The following KIRREL1 variants were observed in gnomAD, a reference collection of about 807,000 sequenced individuals.
KIRREL1 encodes the protein kin of IRRE-like protein 1.
KIRREL1 carries 25 observed loss-of-function variants against 83.3 expected under a neutral mutation model. The ratio of observed to expected loss-of-function variants is 0.30; its 90% CI spans 0.22 to 0.42. KIRREL1 has a LOEUF of 0.42. KIRREL1 is among the 10% of genes least tolerant of loss of function. The pLI is 1.00. For synonymous variants in KIRREL1, 388 were observed against 410.4 expected (o/e 0.95, Z 0.66); for missense variants, 812 against 1,032.3 (o/e 0.79, Z 2.92).
chr1:158,022,806 G>A (rs61151289), intron 1 of KIRREL1, among the ~76,000 whole-genome samples: 4 of 152,176 alleles, frequency 2.6e-5, no homozygotes, highest in Admixed American at 1.3e-4. Flanking sequence ...ATCTGCATCT[G>A]TGGGCCTTCT....
At chr1:158,039,831 A>C (rs1336102792) in intron 1 of KIRREL1, among the ~76,000 whole-genome samples, 1 of 152,222 alleles carries the variant, frequency 6.6e-6, no homozygotes, top group African/African-American at 2.4e-5. Flanking sequence ...GGGAGGTCCC[A>C]GAAGGGAGAG....
chr1:157,999,858 G>A (rs1659307548), intron 1 of KIRREL1, among the ~76,000 whole-genome samples: 1 of 152,158 alleles, frequency 6.6e-6, no homozygotes, highest in Admixed American at 6.5e-5. Flanking sequence ...CTCAGAGTGG[G>A]GGAGAAATCC....
At position 158,096,600 on chromosome 1, in the gene KIRREL1, G is replaced by A. The variant is rs776776895; in HGVS notation, c.*1480G>A. The A allele has an allele frequency of 1.7e-4, 78 of 456,964 alleles. No individual in the cohort carries two copies. The highest frequency in any genetic ancestry group is 1.4e-3 in the African/African-American group (72 of 50,170). The allele number at this position is 456,964 out of a possible 1,614,324, so 28.3% of individuals were successfully genotyped here. A position where few individuals can be genotyped will look rare whatever the true frequency, so the allele number is the denominator to read the frequency against. ...GAGAACTTGTGCTGACCGGGAGAAGGTGGTGCGGAAGGGCACCGCAGGCAT... is the reference window on the plus strand; with the variant it reads ...GAGAACTTGTGCTGACCGGGAGAAGATGGTGCGGAAGGGCACCGCAGGCAT... On this transcript the variant is annotated 3_prime_UTR_variant, in exon 15 of 15. Transcript: ENST00000359209.
chr1:158,001,013 A>G (rs1182991512), intron 1 of KIRREL1, among the ~76,000 whole-genome samples: 1 of 152,212 alleles, frequency 6.6e-6, no homozygotes, highest in Admixed American at 6.5e-5. Context: ...GGAAGGGATA[A>G]CAGGAACCCG....
chr1:158,037,419 C>T (rs189665298), intron 1 of KIRREL1, among the ~76,000 whole-genome samples: 66 of 143,424 alleles, frequency 4.6e-4, no homozygotes, highest in Non-Finnish European at 7.3e-4. Context: ...CTTGAACCTG[C>T]GAGGCAGAGG....
At chr1:158,086,053 A>G (rs1463665435) in intron 4 of KIRREL1, among the ~76,000 whole-genome samples, 1 of 152,334 alleles carries the variant, frequency 6.6e-6, no homozygotes, top group Non-Finnish European at 1.5e-5. Flanking sequence ...CTGGACTCAC[A>G]AAGAGTGAAC....
At chr1:158,008,594 G>A (rs1304842453) in intron 1 of KIRREL1, among the ~76,000 whole-genome samples, 1 of 152,130 alleles carries the variant, frequency 6.6e-6, no homozygotes, top group South Asian at 2.1e-4. Flanking sequence ...GAACTTTTCT[G>A]TTTGTGGGGA....
intron 4 of KIRREL1, among the ~76,000 whole-genome samples, chr1:158,085,872 C>T (rs1661997842): frequency 6.6e-6 from 1 of 152,144 alleles, no homozygotes; most frequent in Admixed American, 6.5e-5. Flanking sequence ...TACAGTTTAG[C>T]AGAAGAAACC....
At chr1:158,055,727 C>T (rs764680990) in intron 1 of KIRREL1, among the ~76,000 whole-genome samples, 20 of 152,224 alleles carry the variant, frequency 1.3e-4, no homozygotes, top group Admixed American at 3.9e-4. Flanking sequence ...TGAAGGCTGG[C>T]TTAGAAAAGA....
chr1:158,013,487 C>A (rs778067433), intron 1 of KIRREL1, among the ~76,000 whole-genome samples: 34 of 152,210 alleles, frequency 2.2e-4, no homozygotes, highest in South Asian at 2.1e-4. Flanking sequence ...CAGGTGCCTA[C>A]GGCTCCCCGT....
intron 1 of KIRREL1, among the ~76,000 whole-genome samples, chr1:158,066,755 AG>A: frequency 6.6e-6 from 1 of 152,182 alleles, no homozygotes; most frequent in South Asian, 2.1e-4. Flanking sequence ...GCCCTGGCCT[AG>A]TTTCTGCTCT....
At chr1:158,074,124 C>T (rs187005881) in intron 1 of KIRREL1, among the ~76,000 whole-genome samples, 1 of 152,272 alleles carries the variant, frequency 6.6e-6, no homozygotes, top group African/African-American at 2.4e-5. Context: ...ACCTGACCCA[C>T]CCCTCCCCCA....
At position 157,996,724 on chromosome 1, in the gene KIRREL1, C is replaced by T. The variant is rs74341697; in HGVS notation, c.52+2996C>T. ...TGTCCCACTTCTGCCCAGAGCAGGG[C>T]GCTGAGGTTGGGGAAGAGTCAGGGG... is the stretch of plus-strand genomic sequence containing the variant. On this transcript the variant is annotated intron_variant, in intron 1 of 14. Transcript: ENST00000359209. 9.0e-3 allele frequency among the ~76,000 whole-genome samples: 1,371 copies of T among 152,318 alleles called. 26 individuals are homozygous for T. Among genetic ancestry groups the T allele is most frequent in the African/African-American group, 0.031 (1,293 of 41,580 alleles).
At chr1:158,025,262 G>A (rs1660135900) in intron 1 of KIRREL1, among the ~76,000 whole-genome samples, 1 of 152,198 alleles carries the variant, frequency 6.6e-6, no homozygotes, top group South Asian at 2.1e-4. Flanking sequence ...GAGACACCGA[G>A]TGGAGCAATG....
chr1:158,055,709 G>A (rs1661038881), intron 1 of KIRREL1, among the ~76,000 whole-genome samples: 2 of 152,218 alleles, frequency 1.3e-5, no homozygotes, highest in South Asian at 4.1e-4. Flanking sequence ...TCCGGGCACT[G>A]CAAATATTGA....
chr1:158,016,764 T>TC (rs1659837970), intron 1 of KIRREL1, among the ~76,000 whole-genome samples: 1 of 152,118 alleles, frequency 6.6e-6, no homozygotes, highest in African/African-American at 2.4e-5. Context: ...TACGTGTGAG[T>TC]AATTGAGAGC....
intron 1 of KIRREL1, among the ~76,000 whole-genome samples, chr1:158,019,777 C>T (rs1474206807): frequency 6.6e-6 from 1 of 152,118 alleles, no homozygotes; most frequent in African/African-American, 2.4e-5. Context: ...TGCCTTCTCT[C>T]CATCTTTTTT....
At position 158,076,284 on chromosome 1, in the gene KIRREL1, G is replaced by A. The variant is rs774448722; in HGVS notation, c.202+22G>A. On this transcript the variant is annotated intron_variant, in intron 2 of 14. Transcript: ENST00000359209. ...AAAGGTGAGTGCCTGGCTACCCAAC[G>A]TCCAAACTGTCCCATCTTCTCCGCC... 83 of 1,609,808 alleles carry A rather than the reference G, an allele frequency of 5.2e-5. No homozygotes were observed. The Admixed American group carries it at 6.0e-4, about 12-fold the overall frequency.
chr1:158,077,508 T>C (rs574054209), intron 2 of KIRREL1, among the ~76,000 whole-genome samples: 22 of 152,300 alleles, frequency 1.4e-4, no homozygotes, highest in African/African-American at 5.3e-4. Context: ...GGAGCTCCTC[T>C]GGGGAGCCAG....
Sources: gnomAD v4.1 joint callset for allele counts (sites outside exome capture counted in the v4.1 genomes callset) on GRCh38, gnomAD v4.1.1 for gene constraint, MANE v1.5 for transcripts, NCBI Gene and HGNC (gene_info 2026-07-23, HGNC 2026-07-21) for gene names.